Variants in LCAT observed in about 807,000 individuals in gnomAD.
The protein encoded by LCAT is lecithin-cholesterol acyltransferase.
Under a neutral mutation model 41.0 loss-of-function variants are expected in LCAT, and 15 were observed. That is an observed-to-expected ratio of 0.37 (90% CI 0.24 to 0.56). The LOEUF is 0.56. Ranked by LOEUF, LCAT falls within the 20% of genes least tolerant of loss-of-function variation. LCAT has a pLI of 0.81. For synonymous variants in LCAT, 248 were observed against 245.4 expected (o/e 1.01, Z -0.10); for missense variants, 449 against 595.1 (o/e 0.75, Z 2.55).
At position 67,943,901 on chromosome 16, in the gene LCAT, C is replaced by G; in HGVS notation, c.154+47G>C. The G allele has an allele frequency of 6.7e-7, 1 of 1,486,512 alleles. No individual in the cohort carries two copies. Among genetic ancestry groups the G allele is most frequent in the Non-Finnish European group, 9.1e-7 (1 of 1,104,642 alleles). The allele number at this position is 1,486,512 out of a possible 1,614,324, so 92.1% of individuals were successfully genotyped here. A position where few individuals can be genotyped will look rare whatever the true frequency, so the allele number is the denominator to read the frequency against. On this transcript the variant is annotated intron_variant, in intron 1 of 5. Transcript: ENST00000264005. This position sits in a 1 kb window ranked among gnomAD's most constrained non-coding sequence, Gnocchi z 4.6. ...CAGCTGCCAGGGGCTGGGGCCCAGG[C>G]TCCCCAGGGTCTGGCGTGGTGCATC...
chr16:67,942,504 C>T lies in LCAT; in HGVS notation c.607G>A (p.Gly203Ser), dbSNP rs770108023. The T allele has an allele frequency of 2.5e-5, 40 of 1,613,696 alleles. No individual in the cohort carries two copies. Among genetic ancestry groups the T allele is most frequent in the Non-Finnish European group, 3.3e-5 (39 of 1,180,018 alleles). Reference sequence around the variant, plus strand: ...AAGTGTAGACAGCCGAGGCTGTGGCCAATGAGGAAGACAGGCTTCCCATAG... The same window carrying T: ...AAGTGTAGACAGCCGAGGCTGTGGCTAATGAGGAAGACAGGCTTCCCATAG... ...AAYGKPVFLIGHSLGCLHLLY... is the reference protein window; with the variant it reads ...AAYGKPVFLISHSLGCLHLLY... Residue 203 changes from glycine (G) to serine (S), a missense_variant, in exon 5 of 6, where the codon GGC becomes AGC. Coordinates refer to ENST00000264005, the MANE Select transcript of LCAT (RefSeq NM_000229.2). The surrounding 1 kb of genome is among the most constrained non-coding windows in gnomAD (Gnocchi z 6.6).
chr16:67,942,962 C>T lies in LCAT; in HGVS notation c.326G>A (p.Arg109Gln), dbSNP rs764199690. The change falls in exon 3 of 6, where the codon CGG becomes CAG. Residue 109 changes from arginine (R) to glutamine (Q), a missense_variant. Physicochemically the swap from Arg to Gln is conservative, Grantham distance 43. Transcript: ENST00000264005. This position sits in a 1 kb window ranked among gnomAD's most constrained non-coding sequence, Gnocchi z 6.6. ...GGCGTTGGACACGAGCCCAGAGCTCCGGTTGTAGACAACCCTGCGGGGCGG... is the reference window on the plus strand; with the variant it reads ...GGCGTTGGACACGAGCCCAGAGCTCTGGTTGTAGACAACCCTGCGGGGCGG... ...WIDNTRVVYN[R>Q]SSGLVSNAPG... The T allele has an allele frequency of 1.2e-5, 20 of 1,613,734 alleles. No homozygotes were observed. In the East Asian group the frequency reaches 2.2e-4, roughly 18 times the overall value.
Position 67,942,656 on chromosome 16 carries a change from C to T in LCAT, c.523+15G>A, listed in dbSNP as rs774291859. ...CCTGCCCCACCCCAAGCCGGTCATC[C>T]GCAGAGACACTCACCGGGCTCCAGC... On this transcript the variant is annotated intron_variant, in intron 4 of 5. Transcript: ENST00000264005. The surrounding 1 kb of genome is among the most constrained non-coding windows in gnomAD (Gnocchi z 6.6). 62 of 1,612,834 alleles carry T rather than the reference C, an allele frequency of 3.8e-5. No individual in the cohort carries two copies. The highest frequency in any genetic ancestry group is 3.3e-4 in the Middle Eastern group (2 of 6,062).
rs551419692 is a variant in LCAT, at chr16:67,939,780, C to T, written c.*124G>A. The stretch of plus-strand genomic sequence containing the variant: ...AGTCCCAGGCCTCAGCAGAGCCCAT[C>T]TTGCCTCACTGCACACAGCACTGAG... On this transcript the variant is annotated 3_prime_UTR_variant, in exon 6 of 6. Transcript: ENST00000264005. 1.1e-5 allele frequency: 17 copies of T among 1,496,726 alleles called. No homozygotes were observed. In the East Asian group the frequency reaches 3.7e-4, roughly 32 times the overall value. 92.7% of individuals were successfully genotyped at this position (1,496,726 alleles called of 1,614,324 possible).
Position 67,943,367 on chromosome 16 carries a change from T to G in LCAT, c.155-155A>C. 1.7e-6 allele frequency: 1 copy of G among 602,758 alleles called. No individual in the cohort carries two copies. The highest frequency in any genetic ancestry group is 2.9e-6 in the Non-Finnish European group (1 of 344,576). 37.3% of individuals were successfully genotyped at this position (602,758 alleles called of 1,614,324 possible). ...CTTACCCTCCCCTGCTTACACCCCC[T>G]CTCCCTGCTGTCCCCCCAGTAGCCA... On this transcript the variant is annotated intron_variant, in intron 1 of 5. Transcript: ENST00000264005. This position sits in a 1 kb window ranked among gnomAD's most constrained non-coding sequence, Gnocchi z 4.6.
rs1349101647 is a variant in LCAT, at chr16:67,940,298, T to G, written c.929A>C (p.His310Pro). 1 of 1,614,070 alleles carries G rather than the reference T, an allele frequency of 6.2e-7. No homozygotes were observed. The highest frequency in any genetic ancestry group is 1.1e-5 in the South Asian group (1 of 91,090). ...RDFQRFFADL[H>P]FEEGWYMWLQ... The stretch of plus-strand genomic sequence containing the variant: ...CCACATGTACCAGCCTTCCTCAAAG[T>G]GCAGGTCTGCAAAGAAGCGTTGGAA... Residue 310 changes from histidine (H) to proline (P), a missense_variant, in exon 6 of 6, where the codon CAC becomes CCC. Transcript: ENST00000264005.
In LCAT at chr16:67,943,838, G is replaced by T; in HGVS notation, c.154+110C>A. 1.9e-6 allele frequency: 2 copies of T among 1,068,252 alleles called. No individual in the cohort carries two copies. The highest frequency in any genetic ancestry group is 2.7e-6 in the Non-Finnish European group (2 of 750,776). The allele number at this position is 1,068,252 out of a possible 1,614,324, so 66.2% of individuals were successfully genotyped here. A position where few individuals can be genotyped will look rare whatever the true frequency, so the allele number is the denominator to read the frequency against. On this transcript the variant is annotated intron_variant, in intron 1 of 5. Coordinates refer to ENST00000264005, the MANE Select transcript of LCAT (RefSeq NM_000229.2). The surrounding 1 kb of genome is among the most constrained non-coding windows in gnomAD (Gnocchi z 4.6). ...TCCCCACACCAGGGCAGGTACTTAT[G>T]TCGGGGCTTATGCAGGGCAGAAGGG...
chr16:67,940,589 GAC>G (rs1233557949), intron 5 of LCAT, 111 bp from the exon 6 acceptor site: 2 of 1,517,534 alleles, frequency 1.3e-6, no homozygotes, highest in Non-Finnish European at 1.8e-6. Flanking sequence ...GCCCAATCTA[GAC>G]ACAGACTCTA....
Position 67,943,934 on chromosome 16 carries a change from T to C in LCAT, c.154+14A>G, listed in dbSNP as rs778004063. ...GGTCTGGCGTGGTGCATCAGGGGCCTGGTGGGGGCTTACCGAGGATGACGG... is the reference window on the plus strand; with the variant it reads ...GGTCTGGCGTGGTGCATCAGGGGCCCGGTGGGGGCTTACCGAGGATGACGG... On this transcript the variant is annotated intron_variant, in intron 1 of 5. Transcript: ENST00000264005. This position sits in a 1 kb window ranked among gnomAD's most constrained non-coding sequence, Gnocchi z 4.6. 3 of 1,541,242 alleles carry C rather than the reference T, an allele frequency of 1.9e-6. No homozygotes were observed. In the South Asian group the frequency reaches 3.6e-5, roughly 19 times the overall value.
Position 67,943,017 on chromosome 16 carries a change from G to A in LCAT, c.311+39C>T. The A allele has an allele frequency of 1.2e-6, 2 of 1,613,782 alleles. No individual in the cohort carries two copies. Among genetic ancestry groups the A allele is most frequent in the Non-Finnish European group, 1.7e-6 (2 of 1,179,862 alleles). ...GCCACTCAGCAGCCAGTAGCCAAGG[G>A]GCAGCGTGTTGGGGCTAGGGTGGAG... On this transcript the variant is annotated intron_variant, in intron 2 of 5. Coordinates refer to ENST00000264005, the MANE Select transcript of LCAT (RefSeq NM_000229.2). The surrounding 1 kb of genome is among the most constrained non-coding windows in gnomAD (Gnocchi z 4.6).
Position 67,942,933 on chromosome 16 carries a change from C to T in LCAT, c.355G>A (p.Gly119Ser). ...RSSGLVSNAPGVQIRVPGFGK... is the reference protein window; with the variant it reads ...RSSGLVSNAPSVQIRVPGFGK... ...AAGCCAGGGACGCGGATCTGGACAC[C>T]AGGGGCGTTGGACACGAGCCCAGAG... The change falls in exon 3 of 6, where the codon GGT becomes AGT. Residue 119 changes from glycine to serine, a missense_variant. By Grantham distance (56) the Gly-to-Ser change is moderately conservative. Transcript: ENST00000264005. The surrounding 1 kb of genome is among the most constrained non-coding windows in gnomAD (Gnocchi z 6.6). 6.2e-7 allele frequency: 1 copy of T among 1,613,920 alleles called. No homozygotes were observed. The highest frequency in any genetic ancestry group is 8.5e-7 in the Non-Finnish European group (1 of 1,179,976).
chr16:67,943,310 C>T lies in LCAT; in HGVS notation c.155-98G>A, dbSNP rs1243481064. 2 of 1,258,532 alleles carry T rather than the reference C, an allele frequency of 1.6e-6. No homozygotes were observed. The highest frequency in any genetic ancestry group is 2.3e-6 in the Non-Finnish European group (2 of 880,768). 78.0% of individuals were successfully genotyped at this position (1,258,532 alleles called of 1,614,324 possible). A position where few individuals can be genotyped will look rare whatever the true frequency, so the allele number is the denominator to read the frequency against. On this transcript the variant is annotated intron_variant, in intron 1 of 5. Coordinates refer to ENST00000264005, the MANE Select transcript of LCAT (RefSeq NM_000229.2). The surrounding 1 kb of genome is among the most constrained non-coding windows in gnomAD (Gnocchi z 4.6). ...CAGTGACCAGACCCACCCCCCACCTCCCATACCCTCAACCCCCAGGTACAA... is the reference window on the plus strand; with the variant it reads ...CAGTGACCAGACCCACCCCCCACCTTCCATACCCTCAACCCCCAGGTACAA...
Position 67,942,507 on chromosome 16 carries a change from T to C in LCAT, c.604A>G (p.Ile202Val), listed in dbSNP as rs1012156336. ...HAAYGKPVFL[I>V]GHSLGCLHLL... ...TGTAGACAGCCGAGGCTGTGGCCAATGAGGAAGACAGGCTTCCCATAGGCA... is the reference window on the plus strand; with the variant it reads ...TGTAGACAGCCGAGGCTGTGGCCAACGAGGAAGACAGGCTTCCCATAGGCA... Residue 202 changes from isoleucine to valine, a missense_variant, in exon 5 of 6, where the codon ATT becomes GTT. Transcript: ENST00000264005. The surrounding 1 kb of genome is among the most constrained non-coding windows in gnomAD (Gnocchi z 6.6). 2.5e-6 allele frequency: 4 copies of C among 1,613,620 alleles called. No individual in the cohort carries two copies. Among genetic ancestry groups the C allele is most frequent in the African/African-American group, 2.7e-5 (2 of 74,900 alleles).
rs763035411 is a variant in LCAT, at chr16:67,942,858, A to G, written c.427+3T>C. On this transcript the variant is annotated splice_donor_region_variant and intron_variant, in intron 3 of 5. Coordinates refer to ENST00000264005, the MANE Select transcript of LCAT (RefSeq NM_000229.2). The surrounding 1 kb of genome is among the most constrained non-coding windows in gnomAD (Gnocchi z 6.6). The stretch of plus-strand genomic sequence containing the variant: ...AGCCCCAGCCCTGCCCTCTGACACA[A>G]ACCTGCCAGCTTGCTGCTGTCCAGG... 6.2e-7 allele frequency: 1 copy of G among 1,613,534 alleles called. No homozygotes were observed. The highest frequency in any genetic ancestry group is 1.7e-5 in the Admixed American group (1 of 60,016).
At chr16:67,941,910 A>C in intron 5 of LCAT, 1 of 1,144,458 alleles carries the variant, frequency 8.7e-7, no homozygotes, top group Non-Finnish European at 1.1e-6. Context: ...GGGGGTGGGG[A>C]GTAGGTGGTA....
Position 67,942,420 on chromosome 16 carries a change from T to C in LCAT, c.691A>G (p.Ile231Val). ...AWKDRFIDGF[I>V]SLGAPWGGSI... Reference sequence around the variant, plus strand: ...CCACCCCAGGGAGCCCCAAGAGAGATGAAGCCATCAATAAAGCGGTCCTTC... The same window carrying C: ...CCACCCCAGGGAGCCCCAAGAGAGACGAAGCCATCAATAAAGCGGTCCTTC... Residue 231 changes from isoleucine (I) to valine (V), a missense_variant, in exon 5 of 6, where the codon ATC becomes GTC. Physicochemically the swap from Ile to Val is conservative, Grantham distance 29. Transcript: ENST00000264005. The surrounding 1 kb of genome is among the most constrained non-coding windows in gnomAD (Gnocchi z 6.6). 1 of 1,613,932 alleles carries C rather than the reference T, an allele frequency of 6.2e-7. No individual in the cohort carries two copies. The highest frequency in any genetic ancestry group is 8.5e-7 in the Non-Finnish European group (1 of 1,179,994).
In LCAT at chr16:67,943,805, T is replaced by C. The variant is rs558657897; in HGVS notation, c.154+143A>G. 2.6e-6 allele frequency: 2 copies of C among 755,254 alleles called. No individual in the cohort carries two copies. The highest frequency in any genetic ancestry group is 4.0e-5 in the South Asian group (2 of 50,166). The allele number at this position is 755,254 out of a possible 1,614,324, so 46.8% of individuals were successfully genotyped here. ...CGTCATTCCTCTAAGGGACAAGCTT[T>C]TGGCCCCTCCCCACACCAGGGCAGG... On this transcript the variant is annotated intron_variant, in intron 1 of 5. Transcript: ENST00000264005. This position sits in a 1 kb window ranked among gnomAD's most constrained non-coding sequence, Gnocchi z 4.6.
In LCAT at chr16:67,942,356, T is replaced by TTC. The variant is rs1251651478; in HGVS notation, c.748+5_748+6dup. 1.2e-6 allele frequency: 2 copies of TTC among 1,613,646 alleles called. No individual in the cohort carries two copies. Among genetic ancestry groups the TTC allele is most frequent in the Admixed American group, 3.3e-5 (2 of 59,998 alleles). ...TCGCTGGACCTAAGTGTTCGAGGCCTTCTCACCTGAGGCCAAGACCAGCAT... is the reference window on the plus strand; with the variant it reads ...TCGCTGGACCTAAGTGTTCGAGGCCTTCTCTCACCTGAGGCCAAGACCAGCAT... On this transcript the variant is annotated splice_region_variant and intron_variant, in intron 5 of 5. Coordinates refer to ENST00000264005, the MANE Select transcript of LCAT (RefSeq NM_000229.2). The surrounding 1 kb of genome is among the most constrained non-coding windows in gnomAD (Gnocchi z 6.6).
In LCAT at chr16:67,943,390, C is replaced by T; in HGVS notation, c.155-178G>A. 1.5e-6 allele frequency: 1 copy of T among 662,854 alleles called. No individual in the cohort carries two copies. The allele number at this position is 662,854 out of a possible 1,614,324, so 41.1% of individuals were successfully genotyped here. A position where few individuals can be genotyped will look rare whatever the true frequency, so the allele number is the denominator to read the frequency against. ...CCTCTCCCTGCTGTCCCCCCAGTAG[C>T]CAAAGCCCAGGCTTCCCTGAGGAAG... On this transcript the variant is annotated intron_variant, in intron 1 of 5. Transcript: ENST00000264005. The surrounding 1 kb of genome is among the most constrained non-coding windows in gnomAD (Gnocchi z 4.6).
Sources: allele counts gnomAD v4.1 joint callset, GRCh38; gene constraint gnomAD v4.1.1; non-coding constraint Gnocchi (gnomAD v3.1); transcripts MANE v1.5; gene names NCBI Gene and HGNC (gene_info 2026-07-23, HGNC 2026-07-21).